ZNF14: variants seen among roughly 807,000 people sequenced by gnomAD.
ZNF14 encodes zinc finger protein 14.
A neutral mutation model predicts 11.3 loss-of-function variants in ZNF14; 9 were observed. The ratio of observed to expected loss-of-function variants is 0.80; its 90% CI spans 0.48 to 1.39. The LOEUF (loss-of-function observed/expected upper bound fraction) is 1.39, where lower values mean the gene tolerates loss of function less well. Ranked by LOEUF, ZNF14 falls within the 40% of genes most tolerant of loss-of-function variation. The probability of loss-of-function intolerance (pLI) is 0.00; values close to 1 mark genes in which losing one functional copy is unlikely to be tolerated. For missense variants in ZNF14, 711 were observed against 763.9 expected (o/e 0.93, Z 0.82); for synonymous variants, 239 against 245.7 (o/e 0.97, Z 0.25).
At chr19:19,722,253 C>G in intron 1 of ZNF14, among the ~76,000 whole-genome samples, 1 of 152,184 alleles carries the variant, frequency 6.6e-6, no homozygotes, top group East Asian at 1.9e-4. Context: ...TCACCTTTAG[C>G]CTTTCTAAGA....
intron 1 of ZNF14, among the ~76,000 whole-genome samples, chr19:19,722,371 G>T (rs569528254): frequency 5.3e-5 from 8 of 152,174 alleles, no homozygotes; most frequent in Non-Finnish European, 1.0e-4. Context: ...GTTTGTCAAA[G>T]ATCAGGGTCG....
chr19:19,723,518 G>A (rs144922049), intron 1 of ZNF14, among the ~76,000 whole-genome samples: 131 of 152,056 alleles, frequency 8.6e-4, no homozygotes, highest in Non-Finnish European at 1.2e-3. Flanking sequence ...TTCAATATTC[G>A]TCAGGGATAT....
At chr19:19,714,556 T>G in intron 1 of ZNF14, 69 bp from the exon 2 acceptor site, 1 of 1,533,558 alleles carries the variant, frequency 6.5e-7, no homozygotes, top group Non-Finnish European at 8.8e-7. Flanking sequence ...ATACTTGATT[T>G]GTAAGAAGTT....
At chr19:19,721,353 A>G (rs1391045335) in intron 1 of ZNF14, among the ~76,000 whole-genome samples, 4 of 152,232 alleles carry the variant, frequency 2.6e-5, no homozygotes, top group Non-Finnish European at 5.9e-5. Context: ...GCATTTGACT[A>G]AATGCCAACT....
At chr19:19,730,763 T>C (rs776708499) in intron 1 of ZNF14, among the ~76,000 whole-genome samples, 2 of 151,802 alleles carry the variant, frequency 1.3e-5, no homozygotes, top group Non-Finnish European at 2.9e-5. Context: ...AAATACAAAA[T>C]TAGCTGGGCG....
At chr19:19,728,515 CAA>C (rs56355771) in intron 1 of ZNF14, among the ~76,000 whole-genome samples, 1 of 53,926 alleles carries the variant, frequency 1.9e-5, no homozygotes, top group African/African-American at 7.3e-5. Flanking sequence ...AACTCCGTCT[CAA>C]AAAAAAAAAA....
At chr19:19,722,881 CTCTT>C (rs994615336) in intron 1 of ZNF14, among the ~76,000 whole-genome samples, 2 of 152,158 alleles carry the variant, frequency 1.3e-5, no homozygotes, top group African/African-American at 4.8e-5. Flanking sequence ...TGATTTGGCT[CTCTT>C]TTGCCTGATA....
intron 1 of ZNF14, among the ~76,000 whole-genome samples, chr19:19,728,839 C>T (rs1331365718): frequency 6.8e-6 from 1 of 148,140 alleles, no homozygotes; most frequent in Admixed American, 6.8e-5. Flanking sequence ...TCTAACTTTC[C>T]ACTTTTGAGA....
chr19:19,713,748 C>CTTTTTTTTTTTTTTTTTT lies in ZNF14; in HGVS notation c.191+342_191+343insAAAAAAAAAAAAAAAAAA, dbSNP rs71172526. On this transcript the variant is annotated intron_variant, in intron 3 of 3. Transcript: ENST00000344099. Reference sequence around the variant, plus strand: ...ACAGGCATGAGCCACTGTGCCAGGCCTTTTTTTTTTTTTTTCCCCAGATGA... The same window carrying CTTTTTTTTTTTTTTTTTT: ...ACAGGCATGAGCCACTGTGCCAGGCCTTTTTTTTTTTTTTTTTTTTTTTTTTTTTTTTTCCCCAGATGA... Among the ~76,000 whole-genome samples, 11 of 120,202 alleles carry CTTTTTTTTTTTTTTTTTT rather than the reference C, an allele frequency of 9.2e-5. 1 individual carries two copies. Among genetic ancestry groups the CTTTTTTTTTTTTTTTTTT allele is most frequent in the Admixed American group, 3.4e-4 (4 of 11,726 alleles). The allele number at this position is 120,202 out of a possible 152,430, so 78.9% of individuals were successfully genotyped here. A position where few individuals can be genotyped will look rare whatever the true frequency, so the allele number is the denominator to read the frequency against.
intron 1 of ZNF14, among the ~76,000 whole-genome samples, chr19:19,727,862 C>A (rs2062410589): frequency 7.5e-6 from 1 of 133,962 alleles, no homozygotes. Flanking sequence ...GGACAGCACA[C>A]ATAATAATAG....
At position 19,723,866 on chromosome 19, in the gene ZNF14, C is replaced by T. The variant is rs1297808280; in HGVS notation, c.3+9090G>A. On this transcript the variant is annotated intron_variant, in intron 1 of 3. Coordinates refer to ENST00000344099, the MANE Select transcript of ZNF14 (RefSeq NM_021030.3). ...TCTTCTAGATTTTCTAGTTTATTTGCGTAGAGGTGTTTATACTATTCTCTG... is the reference window on the plus strand; with the variant it reads ...TCTTCTAGATTTTCTAGTTTATTTGTGTAGAGGTGTTTATACTATTCTCTG... Among the ~76,000 whole-genome samples, 33 of 133,824 alleles carry T rather than the reference C, an allele frequency of 2.5e-4. 9 individuals carry two copies. Among genetic ancestry groups the T allele is most frequent in the Non-Finnish European group, 5.0e-4 (30 of 60,148 alleles). The allele number at this position is 133,824 out of a possible 152,430, so 87.8% of individuals were successfully genotyped here.
At chr19:19,732,567 C>T (rs749630173) in intron 1 of ZNF14, among the ~76,000 whole-genome samples, 11 of 152,254 alleles carry the variant, frequency 7.2e-5, no homozygotes, top group Non-Finnish European at 1.2e-4. Flanking sequence ...CTTCGGTTCT[C>T]ACAAGTGAGG....
At chr19:19,722,192 A>G (rs1302091516) in intron 1 of ZNF14, among the ~76,000 whole-genome samples, 1 of 152,200 alleles carries the variant, frequency 6.6e-6, no homozygotes, top group Non-Finnish European at 1.5e-5. Context: ...AATAATTTGC[A>G]GACTGACAGC....
At position 19,724,505 on chromosome 19, in the gene ZNF14, T is replaced by C. The variant is rs2062401484; in HGVS notation, c.3+8451A>G. ...CTGAGGAGTGCTTTACTTCCAACTA[T>C]GTGGTCAATTTTGGAATAAGTGCGA... is the stretch of plus-strand genomic sequence containing the variant. On this transcript the variant is annotated intron_variant, in intron 1 of 3. Coordinates refer to ENST00000344099, the MANE Select transcript of ZNF14 (RefSeq NM_021030.3). 1.5e-5 allele frequency among the ~76,000 whole-genome samples: 2 copies of C among 134,146 alleles called. 1 individual carries two copies. The highest frequency in any genetic ancestry group is 4.8e-4 in the South Asian group (2 of 4,144). 88.0% of individuals were successfully genotyped at this position (134,146 alleles called of 152,430 possible). A position where few individuals can be genotyped will look rare whatever the true frequency, so the allele number is the denominator to read the frequency against.
intron 3 of ZNF14, 23 bp downstream of exon 3, chr19:19,714,068 A>C (rs752843062): frequency 6.2e-7 from 1 of 1,610,086 alleles, no homozygotes; most frequent in African/African-American, 1.3e-5. Flanking sequence ...ACGGGCCACT[A>C]TTTTTCTGTG....
At chr19:19,718,111 G>A (rs1320123279) in intron 1 of ZNF14, among the ~76,000 whole-genome samples, 3 of 152,004 alleles carry the variant, frequency 2.0e-5, no homozygotes, top group African/African-American at 7.3e-5. Flanking sequence ...AAAATTATAC[G>A]AAATACAAAA....
At chr19:19,722,834 A>T (rs940184154) in intron 1 of ZNF14, among the ~76,000 whole-genome samples, 1 of 151,994 alleles carries the variant, frequency 6.6e-6, no homozygotes, top group African/African-American at 2.4e-5. Flanking sequence ...TAGGTATTTT[A>T]TTCTCTTTGT....
At chr19:19,732,697 A>C (rs576418065) in intron 1 of ZNF14, among the ~76,000 whole-genome samples, 1 of 152,188 alleles carries the variant, frequency 6.6e-6, no homozygotes, top group Non-Finnish European at 1.5e-5. Context: ...CAATCCGGGG[A>C]GACGCGGGGC....
Position 19,712,024 on chromosome 19 carries a change from A to T in ZNF14, c.1257T>A (p.Tyr419Ter). 6.2e-7 allele frequency: 1 copy of T among 1,614,048 alleles called. No homozygotes were observed. Among genetic ancestry groups the T allele is most frequent in the Non-Finnish European group, 8.5e-7 (1 of 1,180,022 alleles). The change falls in exon 4 of 4, where the codon TAT becomes TAA. Residue 419 changes from tyrosine (Y) to a stop codon, truncating the protein, a stop_gained. Transcript: ENST00000344099. LOFTEE classifies it low-confidence loss of function (END_TRUNC). ...HETTHTGEKPYECKQCGKTFS... is the reference protein window; with the variant it reads ...HETTHTGEKP ...AGGTTTTACCACATTGTTTACATTC[A>T]TAGGGTTTCTCTCCAGTGTGAGTTG...
Sources: allele counts gnomAD v4.1 joint callset (sites outside exome capture counted in the v4.1 genomes callset), GRCh38; gene constraint gnomAD v4.1.1; transcripts MANE v1.5; gene names NCBI Gene and HGNC (gene_info 2026-07-23, HGNC 2026-07-21).